The following RNF4 variants were observed in gnomAD, a reference collection of about 807,000 sequenced individuals.
RNF4 encodes ring finger protein 4.
RNF4 carries 7 observed loss-of-function variants against 24.3 expected under a neutral mutation model. The ratio of observed to expected loss-of-function variants is 0.29; its 90% CI spans 0.16 to 0.54. The LOEUF (loss-of-function observed/expected upper bound fraction) is 0.54. Among genes scored for constraint, RNF4 ranks in the 20% least tolerant of loss-of-function variants. RNF4 has a pLI of 0.95. For missense variants in RNF4, 209 were observed against 248.5 expected (o/e 0.84, Z 1.07); for synonymous variants, 83 against 84.3 (o/e 0.98, Z 0.09).
intron 4 of RNF4, among the ~76,000 whole-genome samples, chr4:2,507,816 A>G (rs894150309): frequency 2.6e-5 from 4 of 152,174 alleles, no homozygotes; most frequent in Non-Finnish European, 5.9e-5. Context: ...AAGCTAGAGT[A>G]AAATAAAATG....
chr4:2,473,971 C>T (rs1364471878), intron 1 of RNF4, among the ~76,000 whole-genome samples: 1 of 152,186 alleles, frequency 6.6e-6, no homozygotes, highest in Admixed American at 6.5e-5. Flanking sequence ...ATCCCGGCCA[C>T]TCCAGAGGCT....
intron 4 of RNF4, among the ~76,000 whole-genome samples, chr4:2,507,203 AGAGGGAGGGAGG>A (rs924616863): frequency 2.1e-5 from 3 of 141,392 alleles, no homozygotes; most frequent in Non-Finnish European, 3.1e-5. Flanking sequence ...GAAGGAAGGA[AGAGGGAGGGAGG>A]GAGGGAAGGA....
At chr4:2,511,097 C>T (rs1454126327) in intron 4 of RNF4, among the ~76,000 whole-genome samples, 4 of 152,272 alleles carry the variant, frequency 2.6e-5, no homozygotes, top group Non-Finnish European at 5.9e-5. Context: ...GAGAGAGCAT[C>T]ATGCCCCTAG....
chr4:2,503,405 G>A (rs1735975877), intron 4 of RNF4, among the ~76,000 whole-genome samples: 3 of 152,124 alleles, frequency 2.0e-5, no homozygotes, highest in Admixed American at 2.0e-4. Context: ...GGTGGCCAGA[G>A]GGAGAGCTGA....
chr4:2,491,665 C>T (rs1474977909), intron 2 of RNF4, among the ~76,000 whole-genome samples: 3 of 152,100 alleles, frequency 2.0e-5, no homozygotes, highest in Admixed American at 2.0e-4. Flanking sequence ...TGGTCTCAAA[C>T]TCCTGACCTC....
chr4:2,497,762 G>A (rs1312776830), intron 3 of RNF4, among the ~76,000 whole-genome samples: 3 of 152,076 alleles, frequency 2.0e-5, no homozygotes, highest in African/African-American at 4.8e-5. Flanking sequence ...AGCCTCCCAA[G>A]TAGCTGGGAC....
chr4:2,487,837 T>C (rs1464300550), intron 1 of RNF4, among the ~76,000 whole-genome samples: 3 of 152,132 alleles, frequency 2.0e-5, no homozygotes, highest in African/African-American at 4.8e-5. Flanking sequence ...CTCTAAACCA[T>C]TGAGGTCAAG....
chr4:2,503,971 A>G (rs1378218406), intron 4 of RNF4, among the ~76,000 whole-genome samples: 1 of 152,128 alleles, frequency 6.6e-6, no homozygotes, highest in African/African-American at 2.4e-5. Context: ...GGTCCCAGCT[A>G]CTGGGAAGGC....
At chr4:2,489,524 T>C (rs1735517201) in intron 1 of RNF4, among the ~76,000 whole-genome samples, 1 of 152,208 alleles carries the variant, frequency 6.6e-6, no homozygotes, top group African/African-American at 2.4e-5. Flanking sequence ...TTGGAGGGCC[T>C]AGCAGGCTGT....
chr4:2,489,916 C>T (rs1034321071), intron 1 of RNF4: 14 of 152,854 alleles, frequency 9.2e-5, no homozygotes, highest in African/African-American at 2.2e-4. Context: ...GTGAGTGGCT[C>T]TTGTCTTCTC....
At position 2,512,666 on chromosome 4, in the gene RNF4, C is replaced by A. The variant is rs1235017579; in HGVS notation, c.374+69C>A. The A allele has an allele frequency of 1.3e-6, 2 of 1,561,742 alleles. No homozygotes were observed. Among genetic ancestry groups the A allele is most frequent in the South Asian group, 1.2e-5 (1 of 84,248 alleles). ...GGGGCCAGGGCATGGGAATACTTTT[C>A]AGCAAATCTGTGAGCCCTTGGCCCT... On this transcript the variant is annotated intron_variant, in intron 6 of 7. Coordinates refer to ENST00000314289, the MANE Select transcript of RNF4 (RefSeq NM_002938.5). This position sits in a 1 kb window ranked among gnomAD's most constrained non-coding sequence, Gnocchi z 4.1.
At position 2,512,327 on chromosome 4, in the gene RNF4, TG is replaced by T; in HGVS notation, c.215-106del. On this transcript the variant is annotated intron_variant, in intron 5 of 7. Coordinates refer to ENST00000314289, the MANE Select transcript of RNF4 (RefSeq NM_002938.5). This position sits in a 1 kb window ranked among gnomAD's most constrained non-coding sequence, Gnocchi z 4.1. ...GCTGAGCATGGCAGCAGTTTGTCTC[TG>T]GGGGTCCCAGGCAGGGAAGGAAGAG... 7.8e-7 allele frequency: 1 copy of T among 1,290,118 alleles called. No homozygotes were observed. The highest frequency in any genetic ancestry group is 1.1e-6 in the Non-Finnish European group (1 of 914,304). The allele number at this position is 1,290,118 out of a possible 1,614,324, so 79.9% of individuals were successfully genotyped here. A position where few individuals can be genotyped will look rare whatever the true frequency, so the allele number is the denominator to read the frequency against.
At chr4:2,473,060 A>T (rs1238791906) in intron 1 of RNF4, among the ~76,000 whole-genome samples, 1 of 150,720 alleles carries the variant, frequency 6.6e-6, no homozygotes, top group Non-Finnish European at 1.5e-5. Context: ...AAAAAAAAGA[A>T]TATTTGTGAT....
At position 2,512,238 on chromosome 4, in the gene RNF4, G is replaced by A. The variant is rs1736288736; in HGVS notation, c.215-200G>A. 1 of 690,226 alleles carries A rather than the reference G, an allele frequency of 1.4e-6. No homozygotes were observed. The highest frequency in any genetic ancestry group is 2.4e-6 in the Non-Finnish European group (1 of 410,382). The allele number at this position is 690,226 out of a possible 1,614,324, so 42.8% of individuals were successfully genotyped here. A position where few individuals can be genotyped will look rare whatever the true frequency, so the allele number is the denominator to read the frequency against. ...GGCTGGTAGCTCACAGCAGGGGTTG[G>A]GGGGTTTCTCCTGGGAAGATAAGAT... On this transcript the variant is annotated intron_variant, in intron 5 of 7. Transcript: ENST00000314289. This position sits in a 1 kb window ranked among gnomAD's most constrained non-coding sequence, Gnocchi z 4.1.
At chr4:2,474,381 C>CAA (rs35982596) in intron 1 of RNF4, among the ~76,000 whole-genome samples, 36 of 105,266 alleles carry the variant, frequency 3.4e-4, no homozygotes, top group South Asian at 6.3e-4. Context: ...GACTCTGTCT[C>CAA]AAAAAAAAAA....
At chr4:2,496,490 T>G (rs1735739742) in intron 2 of RNF4, among the ~76,000 whole-genome samples, 1 of 152,168 alleles carries the variant, frequency 6.6e-6, no homozygotes, top group Admixed American at 6.5e-5. Flanking sequence ...AGATGGAGTC[T>G]CACACTGTCA....
intron 1 of RNF4, among the ~76,000 whole-genome samples, chr4:2,477,382 C>G (rs1408678356): frequency 2.0e-5 from 3 of 151,960 alleles, no homozygotes; most frequent in Admixed American, 2.0e-4. Context: ...GTTAGGAGTT[C>G]AAGATGAGTG....
At chr4:2,498,418 C>T (rs1735802466) in intron 3 of RNF4, among the ~76,000 whole-genome samples, 2 of 151,918 alleles carry the variant, frequency 1.3e-5, no homozygotes. Flanking sequence ...GAACTCCTGA[C>T]CTCAGATTAT....
At chr4:2,487,844 C>G (rs902808512) in intron 1 of RNF4, among the ~76,000 whole-genome samples, 1 of 152,176 alleles carries the variant, frequency 6.6e-6, no homozygotes, top group African/African-American at 2.4e-5. Context: ...CCATTGAGGT[C>G]AAGCTAGAGA....
Sources: allele counts gnomAD v4.1 joint callset (sites outside exome capture counted in the v4.1 genomes callset), GRCh38; gene constraint gnomAD v4.1.1; non-coding constraint Gnocchi (gnomAD v3.1); transcripts MANE v1.5; gene names NCBI Gene and HGNC (gene_info 2026-07-23, HGNC 2026-07-21).